Variants in NADSYN1 observed in about 807,000 individuals in gnomAD.
NADSYN1 encodes the protein NAD synthetase 1.
In NADSYN1, 80 loss-of-function variants were observed where a neutral mutation model predicts 99.3. The observed-to-expected ratio is 0.81, with a 90% CI of 0.67 to 0.97. The LOEUF is 0.97. NADSYN1 is among the 50% of genes least tolerant of loss of function. The pLI is 0.00. For missense variants in NADSYN1, 859 were observed against 948.5 expected (o/e 0.91, Z 1.24); for synonymous variants, 385 against 372.1 (o/e 1.03, Z -0.40).
chr11:71,455,218 C>T, intron 2 of NADSYN1, 48 bp downstream of exon 2: 1 of 1,495,296 alleles, frequency 6.7e-7, no homozygotes. Context: ...GCGATACCAG[C>T]ATCAGTTTTC....
intron 2 of NADSYN1, among the ~76,000 whole-genome samples, chr11:71,457,299 A>C (rs1382287740): frequency 1.3e-5 from 2 of 152,350 alleles, no homozygotes; most frequent in Admixed American, 6.5e-5. Flanking sequence ...TAGCAGAGCC[A>C]AGGCAGAGAG....
chr11:71,472,658 G>GAGGGGGGCAT (rs1949635113), intron 6 of NADSYN1, among the ~76,000 whole-genome samples, 158 bp downstream of exon 6: 1 of 152,230 alleles, frequency 6.6e-6, no homozygotes, highest in Admixed American at 6.5e-5. Flanking sequence ...TTCCTATAGT[G>GAGGGGGGCAT]AGGGGGGCTG....
In NADSYN1 at chr11:71,457,641, G is replaced by A. The variant is rs76969877; in HGVS notation, c.147-787G>A. 3.9e-3 allele frequency among the ~76,000 whole-genome samples: 601 copies of A among 152,312 alleles called. 2 individuals are homozygous for A. The highest frequency in any genetic ancestry group is 6.6e-3 in the Non-Finnish European group (448 of 68,030). On this transcript the variant is annotated intron_variant, in intron 2 of 20. Transcript: ENST00000319023. ...GAAGCCGGAAGTCCAAAATCAGGAT[G>A]GCAGCAGCGTCTGGCTCCCTCCGAA...
intron 3 of NADSYN1, 150 bp downstream of exon 3, chr11:71,458,694 C>A: frequency 4.8e-6 from 3 of 626,546 alleles, no homozygotes; most frequent in Non-Finnish European, 8.6e-6. Context: ...GGTTTTGTTC[C>A]TATCTCAGCC....
In NADSYN1 at chr11:71,501,376, C is replaced by T; in HGVS notation, c.*24C>T. On this transcript the variant is annotated 3_prime_UTR_variant, in exon 21 of 21. Transcript: ENST00000319023. ...GAGGCCGGTTCCTTCCTGGAGGCCT[C>T]CTGTCCTCGGGGACCCCAGCACCTC... 1 of 1,586,120 alleles carries T rather than the reference C, an allele frequency of 6.3e-7. No individual in the cohort carries two copies. Among genetic ancestry groups the T allele is most frequent in the East Asian group, 2.3e-5 (1 of 43,580 alleles).
intron 9 of NADSYN1, chr11:71,476,845 G>T (rs527832745): frequency 1.0e-6 from 1 of 986,138 alleles, no homozygotes; most frequent in Non-Finnish European, 1.2e-6. Context: ...CGGAGTCCTC[G>T]GGGGTCTGTA....
In NADSYN1 at chr11:71,478,377, T is replaced by G. The variant is rs904889958; in HGVS notation, c.799-18T>G. On this transcript the variant is annotated intron_variant, in intron 9 of 20. Transcript: ENST00000319023. ...CAAACGGGAAATCACGGGTTCTCTT[T>G]GAAATTTCCTTCTCCAGGAAGTCCT... 4.4e-6 allele frequency: 7 copies of G among 1,583,744 alleles called. No individual in the cohort carries two copies. Among genetic ancestry groups the G allele is most frequent in the Non-Finnish European group, 6.0e-6 (7 of 1,162,998 alleles).
intron 9 of NADSYN1, chr11:71,477,358 G>T (rs1220636423): frequency 1.6e-6 from 2 of 1,289,670 alleles, no homozygotes; most frequent in Admixed American, 4.6e-5. Context: ...GGTGGCCAGG[G>T]TGCTGTCACT....
intron 16 of NADSYN1, among the ~76,000 whole-genome samples, chr11:71,486,125 T>G (rs1949741197): frequency 6.6e-6 from 1 of 152,230 alleles, no homozygotes; most frequent in Non-Finnish European, 1.5e-5. Flanking sequence ...AGTCCAGCAG[T>G]GGAGGCTGCT....
Position 71,464,048 on chromosome 11 carries a change from T to A in NADSYN1, c.318-5T>A. On this transcript the variant is annotated splice_polypyrimidine_tract_variant and splice_region_variant and intron_variant, in intron 4 of 20. Transcript: ENST00000319023. ...GTGTGCACAGCCCTGTTCCCCTGTC[T>A]GCAGGAAGATCCTGCTCATCAGACC... is the stretch of plus-strand genomic sequence containing the variant. The A allele has an allele frequency of 6.2e-7, 1 of 1,608,316 alleles. No homozygotes were observed. Among genetic ancestry groups the A allele is most frequent in the Non-Finnish European group, 8.5e-7 (1 of 1,176,880 alleles).
At chr11:71,454,949 A>G (rs112391673) in intron 1 of NADSYN1, among the ~76,000 whole-genome samples, 161 bp from the exon 2 acceptor site, 9 of 152,304 alleles carry the variant, frequency 5.9e-5, no homozygotes, top group African/African-American at 2.2e-4. Context: ...CCATGCTGTC[A>G]ACAGGAAGCC....
At position 71,456,663 on chromosome 11, in the gene NADSYN1, T is replaced by C. The variant is rs543293028; in HGVS notation, c.146+1493T>C. ...ATGTTACATCCACCTCTCTCTTTCC[T>C]CCAAATATGGACCTGTTTCATTTTA... is the stretch of plus-strand genomic sequence containing the variant. On this transcript the variant is annotated intron_variant, in intron 2 of 20. Coordinates refer to ENST00000319023, the MANE Select transcript of NADSYN1 (RefSeq NM_018161.5). 2.0e-5 allele frequency among the ~76,000 whole-genome samples: 3 copies of C among 152,308 alleles called. No homozygotes were observed. The South Asian group carries it at 6.2e-4, about 32-fold the overall frequency.
intron 18 of NADSYN1, among the ~76,000 whole-genome samples, chr11:71,494,347 C>G (rs1201054774): frequency 6.6e-6 from 1 of 152,170 alleles, no homozygotes; most frequent in African/African-American, 2.4e-5. Flanking sequence ...CAGCAACATG[C>G]TGTGCACGTG....
Position 71,467,292 on chromosome 11 carries a change from G to A in NADSYN1, c.407+3150G>A, listed in dbSNP as rs140374337. Among the ~76,000 whole-genome samples the A allele has an allele frequency of 3.4e-3, 517 of 152,292 alleles. 1 individual carries two copies. The highest frequency in any genetic ancestry group is 0.012 in the African/African-American group (497 of 41,554). ...AGAAGTTACTGTAGCACCCGCAGGC[G>A]CTGGGCACAGGCAAACAGACGTCTC... On this transcript the variant is annotated intron_variant, in intron 5 of 20. Transcript: ENST00000319023.
In NADSYN1 at chr11:71,483,891, T is replaced by C. The variant is rs541144730; in HGVS notation, c.1320-421T>C. ...AGTGGAGCATGATCACATGACACAG[T>C]GAGGAGAAACCTTGAAGACATGGTG... On this transcript the variant is annotated intron_variant, in intron 14 of 20. Transcript: ENST00000319023. 3.9e-5 allele frequency among the ~76,000 whole-genome samples: 6 copies of C among 152,224 alleles called. No homozygotes were observed. The East Asian group carries it at 1.2e-3, about 29-fold the overall frequency.
intron 5 of NADSYN1, among the ~76,000 whole-genome samples, chr11:71,468,832 A>G (rs1296070987): frequency 1.3e-5 from 2 of 152,274 alleles, no homozygotes; most frequent in African/African-American, 4.8e-5. Flanking sequence ...TTCATTTACC[A>G]GCAACATTCA....
intron 1 of NADSYN1, among the ~76,000 whole-genome samples, chr11:71,454,019 G>A (rs147072989): frequency 1.3e-5 from 2 of 152,258 alleles, no homozygotes; most frequent in African/African-American, 2.4e-5. Flanking sequence ...TCTAATTTTC[G>A]TTCATATGGA....
At chr11:71,499,961 A>G (rs1042164141) in intron 20 of NADSYN1, 5 of 152,238 alleles carry the variant, frequency 3.3e-5, no homozygotes, top group African/African-American at 1.2e-4. Context: ...ACCTGAGCCA[A>G]GGAGATGGAG....
At position 71,483,031 on chromosome 11, in the gene NADSYN1, C is replaced by G; in HGVS notation, c.1319+14C>G. 6.2e-7 allele frequency: 1 copy of G among 1,611,444 alleles called. No individual in the cohort carries two copies. The highest frequency in any genetic ancestry group is 8.5e-7 in the Non-Finnish European group (1 of 1,179,398). On this transcript the variant is annotated intron_variant, in intron 14 of 20. Coordinates refer to ENST00000319023, the MANE Select transcript of NADSYN1 (RefSeq NM_018161.5). The stretch of plus-strand genomic sequence containing the variant: ...GCAGATTGGAAGGTAGAGTTGGTCC[C>G]TGGTATTGGGCATGGCAGGTGGCTG...
Sources: allele counts gnomAD v4.1 joint callset (sites outside exome capture counted in the v4.1 genomes callset), GRCh38; gene constraint gnomAD v4.1.1; transcripts MANE v1.5; gene names NCBI Gene and HGNC (gene_info 2026-07-23, HGNC 2026-07-21).